The following RANBP17 variants were observed in gnomAD, a reference collection of about 807,000 sequenced individuals.
RANBP17 encodes ran-binding protein 17.
Under a neutral mutation model 141.2 loss-of-function variants are expected in RANBP17, and 158 were observed. That is an observed-to-expected ratio of 1.12 (90% confidence interval 0.98 to 1.28). RANBP17 has a LOEUF of 1.28. Ranked by LOEUF, RANBP17 falls within the 50% of genes most tolerant of loss-of-function variation. The pLI is 0.00. For synonymous variants in RANBP17, 430 were observed against 450.0 expected (o/e 0.96, Z 0.56); for missense variants, 1,438 against 1,290.7 (o/e 1.11, Z -1.75).
intron 18 of RANBP17, among the ~76,000 whole-genome samples, chr5:171,196,790 G>T (rs1306236668): frequency 6.6e-6 from 1 of 152,168 alleles, no homozygotes; most frequent in South Asian, 2.1e-4. Flanking sequence ...AGCTAACAGT[G>T]GCAGAGCCAG....
intron 14 of RANBP17, among the ~76,000 whole-genome samples, chr5:171,167,771 A>T (rs1235524605): frequency 6.6e-6 from 1 of 152,198 alleles, no homozygotes; most frequent in African/African-American, 2.4e-5. Context: ...AGTTGATTTT[A>T]TAAAACTGGG....
At chr5:170,990,395 G>A (rs1018216411) in intron 14 of RANBP17, among the ~76,000 whole-genome samples, 8 of 151,694 alleles carry the variant, frequency 5.3e-5, no homozygotes, top group Admixed American at 3.3e-4. Context: ...TTAGTAGTGT[G>A]GAATATAATA....
intron 14 of RANBP17, among the ~76,000 whole-genome samples, chr5:171,101,958 T>A (rs1248215628): frequency 6.6e-6 from 1 of 152,286 alleles, no homozygotes; most frequent in Middle Eastern, 3.4e-3. Context: ...TCTGCAGAGA[T>A]CCACTGTTAG....
intron 14 of RANBP17, among the ~76,000 whole-genome samples, chr5:171,143,968 A>G (rs1411072814): frequency 6.6e-6 from 1 of 152,182 alleles, no homozygotes; most frequent in African/African-American, 2.4e-5. Flanking sequence ...CTGGGAAGAT[A>G]AAACAGCAAT....
intron 14 of RANBP17, among the ~76,000 whole-genome samples, chr5:171,134,795 G>A (rs1202419985): frequency 6.6e-6 from 1 of 152,052 alleles, no homozygotes; most frequent in Non-Finnish European, 1.5e-5. Context: ...GGTGGCTCAC[G>A]CCTGTAGTCC....
chr5:170,919,050 A>C (rs573487788), intron 10 of RANBP17, among the ~76,000 whole-genome samples, 191 bp downstream of exon 10: 1 of 152,170 alleles, frequency 6.6e-6, no homozygotes, highest in Admixed American at 6.5e-5. Flanking sequence ...TTAAATATCT[A>C]ATAATTGAAT....
chr5:170,968,988 C>G (rs1776794728), intron 14 of RANBP17, among the ~76,000 whole-genome samples: 1 of 151,716 alleles, frequency 6.6e-6, no homozygotes, highest in Admixed American at 6.6e-5. Context: ...TGAGTAAAAT[C>G]TTCGCCATAA....
At position 170,953,655 on chromosome 5, in the gene RANBP17, T is replaced by C. The variant is rs1211246998; in HGVS notation, c.1527T>C (p.Tyr509=). 11 of 1,611,556 alleles carry C rather than the reference T, an allele frequency of 6.8e-6. No individual in the cohort carries two copies. The East Asian group carries it at 1.1e-4, about 16-fold the overall frequency. Residue 509 remains tyrosine, a synonymous_variant, in exon 13 of 28, where the codon TAT becomes TAC. Coordinates refer to ENST00000523189, the MANE Select transcript of RANBP17 (RefSeq NM_022897.5). Reference sequence around the variant, plus strand: ...CAGTTGTAGGAGGAAGATTAACATATACCAGTACAGATGAGCATGATGCTA... The same window carrying C: ...CAGTTGTAGGAGGAAGATTAACATACACCAGTACAGATGAGCATGATGCTA... The part of the protein sequence containing the change: ...VGTVVGGRLT[Y]TSTDEHDAMD...
chr5:170,992,811 G>A (rs1483591331), intron 14 of RANBP17, among the ~76,000 whole-genome samples: 2 of 151,950 alleles, frequency 1.3e-5, no homozygotes, highest in Non-Finnish European at 2.9e-5. Flanking sequence ...TTGAATTAGA[G>A]TAGTGGCCTC....
intron 25 of RANBP17, among the ~76,000 whole-genome samples, chr5:171,287,278 G>T (rs1487020927): frequency 3.3e-5 from 5 of 152,110 alleles, no homozygotes. Flanking sequence ...GTCACCTGAG[G>T]TCAGGAGTTC....
intron 14 of RANBP17, among the ~76,000 whole-genome samples, chr5:171,131,580 A>AT (rs1258691835): frequency 6.6e-6 from 1 of 152,240 alleles, no homozygotes; most frequent in Non-Finnish European, 1.5e-5. Context: ...ACTCATAAGA[A>AT]TAAGTGTTGC....
At chr5:170,888,212 TA>T (rs1769315827) in intron 3 of RANBP17, among the ~76,000 whole-genome samples, 1 of 152,252 alleles carries the variant, frequency 6.6e-6, no homozygotes, top group Admixed American at 6.5e-5. Flanking sequence ...TGCCTCTCAA[TA>T]TAACTTTTAG....
chr5:170,976,213 A>C (rs1777367477), intron 14 of RANBP17, among the ~76,000 whole-genome samples: 2 of 152,214 alleles, frequency 1.3e-5, no homozygotes, highest in African/African-American at 2.4e-5. Flanking sequence ...TAAACAACCC[A>C]AAAACAAAAG....
chr5:171,278,964 A>G (rs1317215690), intron 25 of RANBP17, among the ~76,000 whole-genome samples: 3 of 152,234 alleles, frequency 2.0e-5, no homozygotes, highest in Non-Finnish European at 4.4e-5. Flanking sequence ...AGGGGAAAAT[A>G]TCCCTGCTAT....
intron 14 of RANBP17, among the ~76,000 whole-genome samples, chr5:171,137,857 C>T (rs1039826663): frequency 1.3e-4 from 19 of 150,878 alleles, no homozygotes; most frequent in African/African-American, 3.2e-4. Flanking sequence ...TTTTAATGTC[C>T]GGGATTTCCT....
At chr5:171,252,824 A>G (rs1765658850) in intron 24 of RANBP17, 9 of 1,227,986 alleles carry the variant, frequency 7.3e-6, no homozygotes, top group Middle Eastern at 2.6e-4. Flanking sequence ...AGTCGAGGCC[A>G]TTGTATTGTA....
chr5:171,063,609 G>C lies in RANBP17; in HGVS notation c.1710+95232G>C, dbSNP rs1246320319. ...CCCAGTTAGGCTGCTCGGGGGTCAG[G>C]GGTCAGGGACCGACTTGAGGAGGCA... On this transcript the variant is annotated intron_variant, in intron 14 of 27. Coordinates refer to ENST00000523189, the MANE Select transcript of RANBP17 (RefSeq NM_022897.5). Among the ~76,000 whole-genome samples the C allele has an allele frequency of 2.0e-5, 3 of 152,342 alleles. No individual in the cohort carries two copies. The East Asian group carries it at 5.8e-4, about 29-fold the overall frequency.
In RANBP17 at chr5:170,968,354, G is replaced by T. The variant is rs775689942; in HGVS notation, c.1687G>T (p.Asp563Tyr). 6.2e-7 allele frequency: 1 copy of T among 1,605,082 alleles called. No homozygotes were observed. Among genetic ancestry groups the T allele is most frequent in the South Asian group, 1.1e-5 (1 of 88,826 alleles). ...TCAGTTTCGTAAAACATATGTTGGT[G>T]ATCAACTTCAAAGAACCTCAAAGGT... ...LDQFRKTYVG[D>Y]QLQRTSKVYA... The change falls in exon 14 of 28, where the codon GAT (aspartate) becomes TAT (tyrosine). Residue 563 changes from aspartate to tyrosine, a missense_variant. Coordinates refer to ENST00000523189, the MANE Select transcript of RANBP17 (RefSeq NM_022897.5).
intron 14 of RANBP17, among the ~76,000 whole-genome samples, chr5:171,139,550 C>T (rs931933824): frequency 9.9e-5 from 15 of 152,226 alleles, no homozygotes; most frequent in African/African-American, 3.6e-4. Context: ...TAGTATAAAC[C>T]AGAAACCTAG....
Sources: allele counts gnomAD v4.1 joint callset (sites outside exome capture counted in the v4.1 genomes callset), GRCh38; gene constraint gnomAD v4.1.1; transcripts MANE v1.5; gene names NCBI Gene and HGNC (gene_info 2026-07-23, HGNC 2026-07-21).